DPP10: variants seen among roughly 807,000 people sequenced by gnomAD.
The protein encoded by DPP10 is inactive dipeptidyl peptidase 10.
Under a neutral mutation model 120.9 loss-of-function variants are expected in DPP10, and 33 were observed. The ratio of observed to expected loss-of-function variants is 0.27; its 90% CI spans 0.21 to 0.37. DPP10 has a LOEUF of 0.37. DPP10 is among the 10% of genes least tolerant of loss of function. The pLI, the probability that DPP10 is intolerant of heterozygous loss-of-function variation, is 1.00. For synonymous variants in DPP10, 337 were observed against 326.1 expected (o/e 1.03, Z -0.36); for missense variants, 816 against 942.8 (o/e 0.87, Z 1.76).
intron 1 of DPP10, among the ~76,000 whole-genome samples, chr2:115,291,660 A>G (rs2060660438): frequency 6.6e-6 from 1 of 152,110 alleles, no homozygotes; most frequent in Non-Finnish European, 1.5e-5. Context: ...AAGCCCATTT[A>G]TCACTAAGAA....
At chr2:115,501,382 A>G (rs983104) in intron 4 of DPP10, among the ~76,000 whole-genome samples, 32,273 of 152,016 alleles carry the variant, frequency 0.21, 3,942 homozygotes, top group East Asian at 0.39. Context: ...GGTACTACAC[A>G]CCATCACCAT....
In DPP10 at chr2:115,352,809, G is replaced by C. The variant is rs559399870; in HGVS notation, c.271+8897G>C. On this transcript the variant is annotated intron_variant, in intron 3 of 25. Coordinates refer to ENST00000410059, the MANE Select transcript of DPP10 (RefSeq NM_020868.6). ...AAGAAATACTCAGTCCAATTACGAT[G>C]AAGTTTTATTAACCTTCTCCAAAAT... is the stretch of plus-strand genomic sequence containing the variant. 2.0e-4 allele frequency among the ~76,000 whole-genome samples: 31 copies of C among 152,190 alleles called. 1 individual carries two copies. Among genetic ancestry groups the C allele is most frequent in the Non-Finnish European group, 3.5e-4 (24 of 67,994 alleles).
At chr2:114,734,092 C>T (rs1186124978) in intron 1 of DPP10, among the ~76,000 whole-genome samples, 2 of 152,136 alleles carry the variant, frequency 1.3e-5, no homozygotes, top group Non-Finnish European at 2.9e-5. Context: ...CACTATGAGA[C>T]AAGGAAGAAA....
intron 1 of DPP10, among the ~76,000 whole-genome samples, chr2:114,924,953 A>G (rs533419319): frequency 6.6e-6 from 1 of 152,064 alleles, no homozygotes; most frequent in Non-Finnish European, 1.5e-5. Context: ...GGCTCACGCC[A>G]GTAATCCCAG....
chr2:115,266,324 A>C (rs2105783485), intron 1 of DPP10, among the ~76,000 whole-genome samples: 1 of 152,334 alleles, frequency 6.6e-6, no homozygotes, highest in African/African-American at 2.4e-5. Context: ...GATGTAAAAA[A>C]TATTTAGGAA....
intron 1 of DPP10, among the ~76,000 whole-genome samples, chr2:114,732,900 C>G (rs938961413): frequency 3.3e-5 from 5 of 152,124 alleles, no homozygotes; most frequent in African/African-American, 1.2e-4. Context: ...TTATGTAACT[C>G]CCCCAAGGTC....
chr2:114,947,677 G>T (rs367674721), intron 1 of DPP10, among the ~76,000 whole-genome samples: 5 of 151,846 alleles, frequency 3.3e-5, no homozygotes, highest in Middle Eastern at 3.4e-3. Flanking sequence ...TCTGATAAAA[G>T]GCCTTTCAAA....
intron 1 of DPP10, among the ~76,000 whole-genome samples, chr2:114,530,899 A>G (rs1427819593): frequency 6.6e-6 from 1 of 152,146 alleles, no homozygotes; most frequent in Non-Finnish European, 1.5e-5. Context: ...TATATTATAC[A>G]TTTTTACATT....
intron 1 of DPP10, chr2:115,064,840 TTTCTAG>T: frequency 1.5e-6 from 2 of 1,303,704 alleles, no homozygotes; most frequent in South Asian, 2.5e-5. Context: ...TTTAGTCTTC[TTTCTAG>T]CAGGGTTTCT....
intron 11 of DPP10, among the ~76,000 whole-genome samples, chr2:115,756,169 TAA>T (rs1679385351): frequency 6.6e-6 from 1 of 152,166 alleles, no homozygotes; most frequent in African/African-American, 2.4e-5. Flanking sequence ...ATTGTGCTTA[TAA>T]GAGTCTGAAA....
intron 1 of DPP10, among the ~76,000 whole-genome samples, chr2:114,898,225 A>C (rs1013068325): frequency 1.3e-5 from 2 of 152,186 alleles, no homozygotes; most frequent in Non-Finnish European, 2.9e-5. Context: ...GGAAATCATC[A>C]TTCTCAGCAA....
At chr2:114,513,998 A>C (rs909705980) in intron 1 of DPP10, among the ~76,000 whole-genome samples, 1 of 152,190 alleles carries the variant, frequency 6.6e-6, no homozygotes, top group African/African-American at 2.4e-5. Context: ...TAGGGTTTGA[A>C]TCGAAAGCAG....
At chr2:115,491,503 T>G (rs1022184756) in intron 3 of DPP10, among the ~76,000 whole-genome samples, 6 of 152,050 alleles carry the variant, frequency 3.9e-5, no homozygotes, top group African/African-American at 1.4e-4. Flanking sequence ...TTGGAATGTT[T>G]ATGTGTGTGG....
In DPP10 at chr2:115,396,875, A is replaced by G. The variant is rs145186513; in HGVS notation, c.271+52963A>G. On this transcript the variant is annotated intron_variant, in intron 3 of 25. Transcript: ENST00000410059. ...AACCAAGGAAACTACCGAGACTCAAAAATGAACTTGCAATGTGAAAAATCT... is the reference window on the plus strand; with the variant it reads ...AACCAAGGAAACTACCGAGACTCAAGAATGAACTTGCAATGTGAAAAATCT... Among the ~76,000 whole-genome samples the G allele has an allele frequency of 1.9e-3, 288 of 152,292 alleles. 6 individuals are homozygous for G. The highest frequency in any genetic ancestry group is 0.014 in the Middle Eastern group (4 of 294).
chr2:114,761,088 T>C (rs533991770), intron 1 of DPP10, among the ~76,000 whole-genome samples: 13 of 152,216 alleles, frequency 8.5e-5, no homozygotes, highest in Non-Finnish European at 1.5e-4. Context: ...CTCAGTTGAC[T>C]TAAGAAATTT....
At chr2:114,567,612 GCTA>G (rs1312825523) in intron 1 of DPP10, among the ~76,000 whole-genome samples, 1 of 152,120 alleles carries the variant, frequency 6.6e-6, no homozygotes, top group African/African-American at 2.4e-5. Flanking sequence ...ATTTTTTAAA[GCTA>G]CTACATTTGT....
At chr2:115,331,470 G>A (rs1355149211) in intron 2 of DPP10, among the ~76,000 whole-genome samples, 1 of 152,184 alleles carries the variant, frequency 6.6e-6, no homozygotes, top group African/African-American at 2.4e-5. Flanking sequence ...TTGAATAGGA[G>A]TGGTGAAAGG....
At chr2:114,698,412 G>C (rs1700192461) in intron 1 of DPP10, among the ~76,000 whole-genome samples, 1 of 152,056 alleles carries the variant, frequency 6.6e-6, no homozygotes, top group African/African-American at 2.4e-5. Flanking sequence ...GAGACCACGA[G>C]CCAGAACAAT....
At chr2:115,731,251 G>A (rs919127461) in intron 8 of DPP10, among the ~76,000 whole-genome samples, 2 of 152,028 alleles carry the variant, frequency 1.3e-5, no homozygotes, top group African/African-American at 2.4e-5. Flanking sequence ...CCAGCTACTC[G>A]GGAGGCTGAG....
Sources: gnomAD v4.1 joint callset for allele counts (sites outside exome capture counted in the v4.1 genomes callset) on GRCh38, gnomAD v4.1.1 for gene constraint, MANE v1.5 for transcripts, NCBI Gene and HGNC (gene_info 2026-07-23, HGNC 2026-07-21) for gene names.